The following IQGAP1 variants were observed in gnomAD, a reference collection of about 807,000 sequenced individuals.
IQGAP1 encodes the protein IQ motif containing GTPase activating protein 1.
IQGAP1 carries 66 observed loss-of-function variants against 215.6 expected under a neutral mutation model. That is an observed-to-expected ratio of 0.31 (90% confidence interval 0.25 to 0.38). The LOEUF (loss-of-function observed/expected upper bound fraction) is 0.38, where lower values mean the gene tolerates loss of function less well. IQGAP1 is among the 10% of genes least tolerant of loss of function. The pLI, the probability that IQGAP1 is intolerant of heterozygous loss-of-function variation, is 1.00. For synonymous variants in IQGAP1, 772 were observed against 728.7 expected, an observed-to-expected ratio of 1.06 and a Z score of -0.96; for missense variants, 1,712 against 1,997.1, an observed-to-expected ratio of 0.86 and a Z score of 2.72.
In IQGAP1 at chr15:90,449,663, G is replaced by A. The variant is rs1158137114; in HGVS notation, c.1162+20G>A. ...AGAGAAGTAAGAGTCCATTGAAATT[G>A]TATGGGAGGAAAGTTGTGGCTTTGT... On this transcript the variant is annotated intron_variant, in intron 11 of 37. Coordinates refer to ENST00000268182, the MANE Select transcript of IQGAP1 (RefSeq NM_003870.4). 3.8e-6 allele frequency: 6 copies of A among 1,589,320 alleles called. No homozygotes were observed. In the South Asian group the frequency reaches 4.5e-5, roughly 12 times the overall value.
chr15:90,433,603 AATGCCACCGATGTTTTCTAAC>A, intron 4 of IQGAP1, 95 bp from the exon 5 acceptor site: 1 of 553,128 alleles, frequency 1.8e-6, no homozygotes, highest in Non-Finnish European at 3.3e-6. Flanking sequence ...GTTTTCTAAG[AATGCCACCGATGTTTTCTAAC>A]TGTCCATAGT....
intron 23 of IQGAP1, 136 bp downstream of exon 23, chr15:90,474,829 T>G: frequency 1.6e-6 from 1 of 638,226 alleles, no homozygotes; most frequent in Non-Finnish European, 2.7e-6. Flanking sequence ...TTTTTTTTTC[T>G]TTTGACTGAG....
At position 90,452,792 on chromosome 15, in the gene IQGAP1, C is replaced by T. The variant is rs1965623529; in HGVS notation, c.1180C>T (p.Leu394=). ...TTACACAGGATTGGCAGCAGTAGCA[C>T]TGATTAATGCTGCAATCCAGAAGGG... ...QYQRRLAAVA[L]INAAIQKGVA... The change falls in exon 12 of 38, where the codon CTG becomes TTG. Residue 394 remains leucine (L), a synonymous_variant. Transcript: ENST00000268182. 1 of 1,614,112 alleles carries T rather than the reference C, an allele frequency of 6.2e-7. No individual in the cohort carries two copies. The highest frequency in any genetic ancestry group is 1.1e-5 in the South Asian group (1 of 91,084).
At chr15:90,402,117 C>T (rs778131299) in intron 2 of IQGAP1, among the ~76,000 whole-genome samples, 2 of 152,186 alleles carry the variant, frequency 1.3e-5, no homozygotes, top group African/African-American at 2.4e-5. Context: ...CCATCAATTT[C>T]CTGCCACTTA....
At chr15:90,448,881 C>A (rs1041578682) in intron 10 of IQGAP1, 145 bp downstream of exon 10, 1 of 729,082 alleles carries the variant, frequency 1.4e-6, no homozygotes. Flanking sequence ...AAAAAAAATC[C>A]TCAGGTAAAA....
chr15:90,466,222 T>G (rs1567135570), intron 16 of IQGAP1, 47 bp from the exon 17 acceptor site: 1 of 1,602,150 alleles, frequency 6.2e-7, no homozygotes, highest in Non-Finnish European at 8.6e-7. Context: ...GTATGTGAAT[T>G]TAGACACTCT....
intron 2 of IQGAP1, among the ~76,000 whole-genome samples, chr15:90,397,468 T>C (rs989002131): frequency 6.6e-6 from 1 of 151,830 alleles, no homozygotes; most frequent in Admixed American, 6.6e-5. Flanking sequence ...GCTGTGATGG[T>C]TAATTGCTTG....
intron 33 of IQGAP1, among the ~76,000 whole-genome samples, chr15:90,489,994 C>T (rs1238628776): frequency 6.6e-6 from 1 of 152,170 alleles, no homozygotes; most frequent in Admixed American, 6.5e-5. Context: ...GGAGGTGGAT[C>T]CAGTTCTGTC....
At position 90,483,518 on chromosome 15, in the gene IQGAP1, A is replaced by T; in HGVS notation, c.3713A>T (p.Asn1238Ile). ...IAKMLQHAAS[N>I]KMFLGDNAHL... The stretch of plus-strand genomic sequence containing the variant: ...AAAATGCTTCAGCATGCTGCTTCCA[A>T]TAAGATGTTTCTGGGAGATAATGCC... Residue 1238 changes from asparagine to isoleucine, a missense_variant, in exon 29 of 38, where the codon AAT becomes ATT. This residue lies in a region of IQGAP1 where 691 missense variants were observed against 923.0 expected (regional missense o/e 0.75). Transcript: ENST00000268182. 4.3e-6 allele frequency: 7 copies of T among 1,614,220 alleles called. No individual in the cohort carries two copies. Among genetic ancestry groups the T allele is most frequent in the Non-Finnish European group, 5.9e-6 (7 of 1,180,030 alleles).
At chr15:90,471,348 A>G (rs1290122763) in intron 18 of IQGAP1, among the ~76,000 whole-genome samples, 1 of 152,160 alleles carries the variant, frequency 6.6e-6, no homozygotes, top group Admixed American at 6.5e-5. Context: ...AGCTTTGACC[A>G]TCAAGTTAGC....
Position 90,441,601 on chromosome 15 carries a change from A to G in IQGAP1, c.745A>G (p.Asn249Asp). Residue 249 changes from asparagine (N) to aspartate (D), a missense_variant, in exon 8 of 38, where the codon AAT becomes GAT. Coordinates refer to ENST00000268182, the MANE Select transcript of IQGAP1 (RefSeq NM_003870.4). ...ALKNPNAMLVNLEEPLASTYQ... is the reference protein window; with the variant it reads ...ALKNPNAMLVDLEEPLASTYQ... ...GAAAAATCCGAATGCCATGCTTGTAAATCTTGAAGAGCCCTTGGCATCCAC... is the reference window on the plus strand; with the variant it reads ...GAAAAATCCGAATGCCATGCTTGTAGATCTTGAAGAGCCCTTGGCATCCAC... 6.2e-7 allele frequency: 1 copy of G among 1,613,950 alleles called. No individual in the cohort carries two copies. The highest frequency in any genetic ancestry group is 8.5e-7 in the Non-Finnish European group (1 of 1,179,896).
chr15:90,448,955 C>A (rs1965562753), intron 10 of IQGAP1, among the ~76,000 whole-genome samples: 1 of 152,150 alleles, frequency 6.6e-6, no homozygotes, highest in African/African-American at 2.4e-5. Context: ...GATAAACAGA[C>A]AATACCCACC....
intron 2 of IQGAP1, among the ~76,000 whole-genome samples, chr15:90,415,396 G>GT (rs1478149226): frequency 6.6e-6 from 1 of 151,758 alleles, no homozygotes; most frequent in Non-Finnish European, 1.5e-5. Flanking sequence ...GTTTTATTTA[G>GT]TTTTTTAAAA....
intron 15 of IQGAP1, among the ~76,000 whole-genome samples, chr15:90,460,417 C>T (rs1481275922): frequency 6.6e-6 from 1 of 151,912 alleles, no homozygotes; most frequent in African/African-American, 2.4e-5. Flanking sequence ...CTCTTGTTTG[C>T]CTAAACTGTT....
intron 23 of IQGAP1, 87 bp downstream of exon 23, chr15:90,474,780 G>A: frequency 9.7e-7 from 1 of 1,029,574 alleles, no homozygotes; most frequent in Admixed American, 1.9e-5. Flanking sequence ...TGGGGAGGGT[G>A]GAGGCTGACT....
intron 9 of IQGAP1, among the ~76,000 whole-genome samples, chr15:90,444,153 A>G (rs1239124667): frequency 6.6e-6 from 1 of 152,064 alleles, no homozygotes; most frequent in African/African-American, 2.4e-5. Flanking sequence ...AGAAATAAAA[A>G]ATAAACCACA....
chr15:90,477,311 CT>C lies in IQGAP1; in HGVS notation c.3104+85del, dbSNP rs3214202. ...AGTTTGAGATTCATGCCTTCCTGAT[CT>C]TTTCTTGATCTCAATTAATTTATGA... On this transcript the variant is annotated intron_variant, in intron 25 of 37. Coordinates refer to ENST00000268182, the MANE Select transcript of IQGAP1 (RefSeq NM_003870.4). The C allele has an allele frequency of 9.5e-5, 109 of 1,151,508 alleles. 1 individual carries two copies. In the East Asian group the frequency reaches 2.6e-3, roughly 28 times the overall value. The allele number at this position is 1,151,508 out of a possible 1,614,324, so 71.3% of individuals were successfully genotyped here. A position where few individuals can be genotyped will look rare whatever the true frequency, so the allele number is the denominator to read the frequency against.
chr15:90,491,707 G>A (rs187577426), intron 34 of IQGAP1, 162 bp downstream of exon 34: 7 of 620,466 alleles, frequency 1.1e-5, no homozygotes, highest in South Asian at 2.0e-5. Flanking sequence ...GGCCTTGCCC[G>A]ACCTGAGGTG....
chr15:90,491,379 C>G lies in IQGAP1; in HGVS notation c.4295C>G (p.Ala1432Gly). The G allele has an allele frequency of 1.2e-6, 2 of 1,614,044 alleles. No homozygotes were observed. Among genetic ancestry groups the G allele is most frequent in the Non-Finnish European group, 1.7e-6 (2 of 1,180,014 alleles). Residue 1432 changes from alanine (A) to glycine (G), a missense_variant, in exon 34 of 38, where the codon GCC becomes GGC. Ala to Gly is a moderately conservative substitution (Grantham distance 60). Transcript: ENST00000268182. The stretch of plus-strand genomic sequence containing the variant: ...ATGCAGAGACGTGCTATCCGTGATG[C>G]CAAAACACCTGACAAGATGAAAAAG... ...RAMQRRAIRD[A>G]KTPDKMKKSK...
Sources: gnomAD v4.1 joint callset for allele counts (sites outside exome capture counted in the v4.1 genomes callset) on GRCh38, gnomAD v4.1.1 for gene constraint, gnomAD v4.1.1 regional missense constraint, MANE v1.5 for transcripts, NCBI Gene and HGNC (gene_info 2026-07-23, HGNC 2026-07-21) for gene names.